Variants in AHCTF1 observed in about 807,000 individuals in gnomAD.
The protein encoded by AHCTF1 is protein ELYS.
In AHCTF1, 24 loss-of-function variants were observed where a neutral mutation model predicts 248.4. That is an observed-to-expected ratio of 0.10 (90% CI 0.07 to 0.14). The LOEUF (loss-of-function observed/expected upper bound fraction) is 0.14, where lower values mean the gene tolerates loss of function less well. Ranked by LOEUF, AHCTF1 falls within the 10% of genes least tolerant of loss-of-function variation. AHCTF1 has a pLI of 1.00. For missense variants in AHCTF1, 2,206 were observed against 2,636.2 expected (o/e 0.84, Z 3.57); for synonymous variants, 786 against 929.8 (o/e 0.85, Z 2.81).
chr1:246,903,931 AG>A lies in AHCTF1; in HGVS notation c.966+17del. The A allele has an allele frequency of 6.3e-7, 1 of 1,577,088 alleles. No homozygotes were observed. ...CAACAAAATGGTAATATAAACCCAT[AG>A]TCCAATGACCATTTACCTCATATAA... On this transcript the variant is annotated intron_variant, in intron 7 of 35. Transcript: ENST00000648844.
chr1:246,916,480 T>A, intron 2 of AHCTF1, 85 bp from the exon 3 acceptor site: 1 of 1,201,618 alleles, frequency 8.3e-7, no homozygotes. Flanking sequence ...TACAACTATA[T>A]GTTCATTACA....
Position 246,912,925 on chromosome 1 carries a change from C to T in AHCTF1, c.556+307G>A, listed in dbSNP as rs112724110. On this transcript the variant is annotated intron_variant, in intron 4 of 35. Transcript: ENST00000648844. ...TATTTAGCCCTTATTCCAGCATTTA[C>T]TTAAGAATAGATCTTATTCAGGTAT... is the stretch of plus-strand genomic sequence containing the variant. Among the ~76,000 whole-genome samples the T allele has an allele frequency of 1.6e-3, 240 of 152,190 alleles. 1 individual carries two copies. Among genetic ancestry groups the T allele is most frequent in the African/African-American group, 5.5e-3 (228 of 41,526 alleles).
chr1:246,903,932 GT>G lies in AHCTF1; in HGVS notation c.966+16del. On this transcript the variant is annotated intron_variant, in intron 7 of 35. Coordinates refer to ENST00000648844, the MANE Select transcript of AHCTF1 (RefSeq NM_001323342.2). ...AACAAAATGGTAATATAAACCCATA[GT>G]CCAATGACCATTTACCTCATATAAG... 1.3e-6 allele frequency: 2 copies of G among 1,584,102 alleles called. No individual in the cohort carries two copies. Among genetic ancestry groups the G allele is most frequent in the Non-Finnish European group, 1.7e-6 (2 of 1,153,446 alleles).
intron 1 of AHCTF1, among the ~76,000 whole-genome samples, chr1:246,922,603 A>G (rs887366052): frequency 8.6e-5 from 13 of 151,340 alleles, no homozygotes; most frequent in African/African-American, 3.2e-4. Flanking sequence ...TATGTTGCCC[A>G]TGATGGTCTT....
intron 1 of AHCTF1, among the ~76,000 whole-genome samples, chr1:246,927,045 A>C (rs370390882): frequency 6.6e-6 from 1 of 151,142 alleles, no homozygotes; most frequent in Non-Finnish European, 1.5e-5. Flanking sequence ...GGGCGTGGTG[A>C]CGGGAACCTG....
At chr1:246,915,765 A>T (rs190144338) in intron 3 of AHCTF1, among the ~76,000 whole-genome samples, 373 of 152,356 alleles carry the variant, frequency 2.4e-3, no homozygotes, top group Non-Finnish European at 3.8e-3. Flanking sequence ...AAACATTTTA[A>T]AAATTGAATA....
intron 1 of AHCTF1, 182 bp downstream of exon 1, chr1:246,931,396 A>G: frequency 6.7e-7 from 1 of 1,501,838 alleles, no homozygotes; most frequent in Non-Finnish European, 8.9e-7. Context: ...CGTACCCGCC[A>G]CCGCCACCGC....
intron 21 of AHCTF1, 35 bp from the exon 22 acceptor site, chr1:246,877,337 A>T: frequency 6.6e-7 from 1 of 1,525,064 alleles, no homozygotes; most frequent in Non-Finnish European, 8.8e-7. Flanking sequence ...TAGTTTTAGA[A>T]AAAGCTATTT....
chr1:246,930,597 A>AG lies in AHCTF1; in HGVS notation c.-8+980_-8+981insC, dbSNP rs1335272484. Reference sequence around the variant, plus strand: ...ACAAAAAAACAGTTTAAAAAAAAAAAAGGGGGGGTCTCGCCATGTTGCTCA... The same window carrying AG: ...ACAAAAAAACAGTTTAAAAAAAAAAAGAGGGGGGGTCTCGCCATGTTGCTCA... On this transcript the variant is annotated intron_variant, in intron 1 of 35. Transcript: ENST00000648844. Among the ~76,000 whole-genome samples the AG allele has an allele frequency of 2.4e-4, 34 of 143,832 alleles. 1 individual carries two copies. The highest frequency in any genetic ancestry group is 1.1e-3 in the East Asian group (5 of 4,600). The allele number at this position is 143,832 out of a possible 152,430, so 94.4% of individuals were successfully genotyped here. A position where few individuals can be genotyped will look rare whatever the true frequency, so the allele number is the denominator to read the frequency against.
At chr1:246,921,947 A>T (rs1306135159) in intron 1 of AHCTF1, among the ~76,000 whole-genome samples, 1 of 152,240 alleles carries the variant, frequency 6.6e-6, no homozygotes, top group East Asian at 1.9e-4. Flanking sequence ...CTAAACACTG[A>T]CTACACAACA....
chr1:246,918,958 T>G (rs1408551867), intron 1 of AHCTF1, among the ~76,000 whole-genome samples: 2 of 152,202 alleles, frequency 1.3e-5, no homozygotes, highest in East Asian at 3.8e-4. Context: ...GAAAAATGTA[T>G]AAATTCACAG....
intron 4 of AHCTF1, 24 bp from the exon 5 acceptor site, chr1:246,907,782 G>A (rs778203570): frequency 3.1e-6 from 5 of 1,590,188 alleles, no homozygotes; most frequent in Non-Finnish European, 4.3e-6. Flanking sequence ...TTAGACAAAT[G>A]AAGTTAAAAA....
At chr1:246,866,208 T>C (rs933774084) in intron 26 of AHCTF1, among the ~76,000 whole-genome samples, 5 of 152,146 alleles carry the variant, frequency 3.3e-5, no homozygotes, top group African/African-American at 4.8e-5. Flanking sequence ...AAAATGCTCA[T>C]AATACTTCTT....
intron 14 of AHCTF1, 90 bp downstream of exon 14, chr1:246,894,569 A>C: frequency 4.6e-6 from 5 of 1,081,554 alleles, no homozygotes; most frequent in Non-Finnish European, 6.7e-6. Context: ...TACAACTTCA[A>C]AATGATTAAA....
At chr1:246,844,805 CTTTTT>C (rs11370838) in intron 33 of AHCTF1, among the ~76,000 whole-genome samples, 2 of 141,898 alleles carry the variant, frequency 1.4e-5, no homozygotes, top group African/African-American at 2.6e-5. Context: ...ACCACACAGA[CTTTTT>C]TTTTTTTTTT....
rs1409744209 is a variant in AHCTF1 at position 246,898,255 on chromosome 1, G to A, written c.1576C>T (p.Leu526Phe). The change falls in exon 12 of 36, where the codon CTT becomes TTT. Residue 526 changes from leucine (L) to phenylalanine (F), a missense_variant. Leu to Phe is a conservative substitution (Grantham distance 22). This residue lies in a region of AHCTF1 where 650 missense variants were observed against 870.8 expected (regional missense o/e 0.75). Coordinates refer to ENST00000648844, the MANE Select transcript of AHCTF1 (RefSeq NM_001323342.2). Reference protein sequence around the residue: ...DGYNRCLVAGLLSPRFVDVQP... With the variant: ...DGYNRCLVAGFLSPRFVDVQP... ...ACATCAACAAATCTTGGGGAAAGAA[G>A]GCCAGCTACAAGACATCGATTATAA... 1 of 1,612,302 alleles carries A rather than the reference G, an allele frequency of 6.2e-7. No individual in the cohort carries two copies. Among genetic ancestry groups the A allele is most frequent in the Non-Finnish European group, 8.5e-7 (1 of 1,179,988 alleles).
At chr1:246,899,232 G>A (rs1664826451) in intron 11 of AHCTF1, among the ~76,000 whole-genome samples, 1 of 151,976 alleles carries the variant, frequency 6.6e-6, no homozygotes, top group Non-Finnish European at 1.5e-5. Context: ...CACGTAGCTA[G>A]CATCTACATA....
chr1:246,870,925 C>T (rs762029865), intron 24 of AHCTF1, among the ~76,000 whole-genome samples: 14 of 152,154 alleles, frequency 9.2e-5, no homozygotes, highest in Non-Finnish European at 1.8e-4. Flanking sequence ...GAGCTGGAGT[C>T]AGACCCTTTT....
intron 29 of AHCTF1, 56 bp from the exon 30 acceptor site, chr1:246,857,870 T>C (rs1661216053): frequency 2.7e-6 from 4 of 1,489,546 alleles, no homozygotes; most frequent in Non-Finnish European, 3.7e-6. Context: ...TGATTACTGA[T>C]AGTCTTGCAT....
Sources: allele counts gnomAD v4.1 joint callset (sites outside exome capture counted in the v4.1 genomes callset), GRCh38; gene constraint gnomAD v4.1.1; regional missense constraint gnomAD v4.1.1; transcripts MANE v1.5; gene names NCBI Gene and HGNC (gene_info 2026-07-23, HGNC 2026-07-21).